MICAL2: variants seen among roughly 807,000 people sequenced by gnomAD.
The protein encoded by MICAL2 is [F-actin]-monooxygenase MICAL2.
A neutral mutation model predicts 127.3 loss-of-function variants in MICAL2; 77 were observed. The observed-to-expected ratio is 0.60, with a 90% CI of 0.50 to 0.73. The LOEUF is 0.73. MICAL2 is among the 30% of genes least tolerant of loss of function. The pLI, the probability that MICAL2 is intolerant of heterozygous loss-of-function variation, is 0.00. For missense variants in MICAL2, 1,351 were observed against 1,434.4 expected (o/e 0.94, Z 0.94); for synonymous variants, 570 against 551.1 (o/e 1.03, Z -0.48).
chr11:12,224,537 TGGCCCCCTGCCCTGGCCCCTTGCCTTG>T, intron 12 of MICAL2, 109 bp from the exon 13 acceptor site: 2 of 1,139,922 alleles, frequency 1.8e-6, no homozygotes, highest in South Asian at 1.5e-5. Context: ...CCCGTGCCAG[TGGCCCCCTGCCCTGGCCCCTTGCCTTG>T]GGGCCGCTCG....
At chr11:12,135,497 T>A (rs143117343) in intron 1 of MICAL2, among the ~76,000 whole-genome samples, 2 of 152,260 alleles carry the variant, frequency 1.3e-5, no homozygotes, top group African/African-American at 4.8e-5. Context: ...AAGCACCTGC[T>A]CTGAGCAAGC....
At chr11:12,270,229 G>A (rs1863659441) in intron 24 of MICAL2, among the ~76,000 whole-genome samples, 1 of 152,188 alleles carries the variant, frequency 6.6e-6, no homozygotes, top group Non-Finnish European at 1.5e-5. Flanking sequence ...AGGGCAGGGA[G>A]GCCACTCTGC....
Position 12,330,896 on chromosome 11 carries a change from AGAGAGT to A in MICAL2, c.5515+3632_5515+3637del, listed in dbSNP as rs1250284667. ...GAGAGAGAGAGACAGAGAGAGAGAGAGAGAGTGTGTGTGTGTGTGTGTGTGTGTGTG... is the reference window on the plus strand; with the variant it reads ...GAGAGAGAGAGACAGAGAGAGAGAGAGTGTGTGTGTGTGTGTGTGTGTGTG... On this transcript the variant is annotated intron_variant, in intron 32 of 34. Transcript: ENST00000646065. Among the ~76,000 whole-genome samples, 390 of 116,846 alleles carry A rather than the reference AGAGAGT, an allele frequency of 3.3e-3. 4 individuals are homozygous for A. Among genetic ancestry groups the A allele is most frequent in the African/African-American group, 0.013 (377 of 29,972 alleles). The allele number at this position is 116,846 out of a possible 152,430, so 76.7% of individuals were successfully genotyped here. A position where few individuals can be genotyped will look rare whatever the true frequency, so the allele number is the denominator to read the frequency against.
At chr11:12,292,200 T>C, downstream of MICAL2, 1 of 1,614,112 alleles carries the variant, frequency 6.2e-7, no homozygotes, top group Non-Finnish European at 8.5e-7. Flanking sequence ...TCTCCTTCTC[T>C]TCCTCTTCCT....
At chr11:12,221,815 G>T in intron 10 of MICAL2, 56 bp downstream of exon 10, 1 of 1,439,114 alleles carries the variant, frequency 6.9e-7, no homozygotes. Context: ...GGCAGGAAAG[G>T]GGGCAAGATC....
At chr11:12,326,441 T>C (rs1459525975) in intron 31 of MICAL2, among the ~76,000 whole-genome samples, 1 of 152,172 alleles carries the variant, frequency 6.6e-6, no homozygotes, top group African/African-American at 2.4e-5. Flanking sequence ...AATATGTAAA[T>C]GCAAATAAAG....
chr11:12,222,804 T>G, intron 11 of MICAL2, 61 bp downstream of exon 11: 255 of 1,594,040 alleles, frequency 1.6e-4, no homozygotes, highest in Non-Finnish European at 2.0e-4. Context: ...GAAGAGGTGG[T>G]GGGGAGGGGG....
chr11:12,268,133 C>T (rs1863629784), downstream of MICAL2, among the ~76,000 whole-genome samples: 1 of 152,250 alleles, frequency 6.6e-6, no homozygotes, highest in African/African-American at 2.4e-5. Flanking sequence ...GAAGGTCTGG[C>T]TGGCATCCAG....
chr11:12,303,222 A>G (rs1200610194), intron 29 of MICAL2, among the ~76,000 whole-genome samples: 1 of 152,062 alleles, frequency 6.6e-6, no homozygotes, highest in Admixed American at 6.6e-5. Flanking sequence ...GAGCCAAACA[A>G]TATCACTTTC....
In MICAL2 at chr11:12,213,341, G is replaced by T. The variant is rs1439043254; in HGVS notation, c.778G>T (p.Val260Leu). ...INRNSTAEAKVEEISGVAFIF... is the reference protein window; with the variant it reads ...INRNSTAEAKLEEISGVAFIF... ...CAGAAACAGCACAGCGGAAGCCAAG[G>T]TGGAAGAGATTAGTGGTGTGGCTTT... Residue 260 changes from valine (V) to leucine (L), a missense_variant, in exon 7 of 28, where the codon GTG becomes TTG. Val to Leu is a conservative substitution (Grantham distance 32). Coordinates refer to ENST00000683283, the MANE Select transcript of MICAL2 (RefSeq NM_001282663.2). 6.2e-7 allele frequency: 1 copy of T among 1,614,132 alleles called. No homozygotes were observed. Among genetic ancestry groups the T allele is most frequent in the Non-Finnish European group, 8.5e-7 (1 of 1,179,992 alleles).
intron 3 of MICAL2, among the ~76,000 whole-genome samples, chr11:12,198,867 C>T (rs764559125): frequency 6.6e-6 from 1 of 152,220 alleles, no homozygotes; most frequent in Non-Finnish European, 1.5e-5. Context: ...CCTGCGGAAG[C>T]ACATGAAGCT....
At chr11:12,111,238 T>G (rs1431973170) in intron 1 of MICAL2, among the ~76,000 whole-genome samples, 1 of 152,218 alleles carries the variant, frequency 6.6e-6, no homozygotes, top group Non-Finnish European at 1.5e-5. Flanking sequence ...GTCAGTGGCC[T>G]GGCTGGCCGC....
chr11:12,341,563 A>C lies in MICAL2; in HGVS notation c.5516-8275A>C, dbSNP rs1209242692. ...TGTTATTGGCCCGGCGCGGTGGCTT[A>C]TGCCTCTAATCCCAGCACTTTGGGA... is the stretch of plus-strand genomic sequence containing the variant. On this transcript the variant is annotated intron_variant, in intron 32 of 34. Transcript: ENST00000646065. Among the ~76,000 whole-genome samples the C allele has an allele frequency of 2.0e-5, 3 of 152,284 alleles. No homozygotes were observed. The East Asian group carries it at 5.8e-4, about 29-fold the overall frequency.
chr11:12,158,631 A>G (rs991461511), intron 2 of MICAL2, among the ~76,000 whole-genome samples: 3 of 152,224 alleles, frequency 2.0e-5, no homozygotes, highest in Non-Finnish European at 4.4e-5. Flanking sequence ...TAATCTAGAG[A>G]TGATTTAAAG....
intron 20 of MICAL2, among the ~76,000 whole-genome samples, chr11:12,243,726 G>A (rs1005707279): frequency 6.6e-6 from 1 of 152,248 alleles, no homozygotes; most frequent in Non-Finnish European, 1.5e-5. Context: ...TGAGGCGGAT[G>A]TAGGCAGGAA....
intron 29 of MICAL2, among the ~76,000 whole-genome samples, chr11:12,310,734 G>T (rs1483742301): frequency 3.3e-5 from 5 of 151,882 alleles, no homozygotes; most frequent in Non-Finnish European, 5.9e-5. Flanking sequence ...TTTTGATAGG[G>T]GTTGCATTGA....
At position 12,220,434 on chromosome 11, in the gene MICAL2, C is replaced by T; in HGVS notation, c.1182C>T (p.Ala394=). 1 of 1,610,868 alleles carries T rather than the reference C, an allele frequency of 6.2e-7. No individual in the cohort carries two copies. The change falls in exon 9 of 28, where the codon GCC becomes GCT. Residue 394 remains alanine, a synonymous_variant. Transcript: ENST00000683283. The part of the protein sequence containing the change: ...RERQAHQLLV[A]LVGDSLLEPF... ...GGCAGGCGCACCAGCTGCTCGTGGCCCTTGTGGGTGACAGCTTGCTTGAGG... is the reference window on the plus strand; with the variant it reads ...GGCAGGCGCACCAGCTGCTCGTGGCTCTTGTGGGTGACAGCTTGCTTGAGG...
intron 30 of MICAL2, among the ~76,000 whole-genome samples, chr11:12,322,088 T>A (rs1215958704): frequency 2.6e-5 from 4 of 152,140 alleles, no homozygotes; most frequent in Non-Finnish European, 4.4e-5. Flanking sequence ...TTTATTTCCT[T>A]ACCTATAATG....
chr11:12,318,561 G>T (rs1213168533), intron 29 of MICAL2, among the ~76,000 whole-genome samples: 1 of 152,220 alleles, frequency 6.6e-6, no homozygotes, highest in Non-Finnish European at 1.5e-5. Context: ...GGAAAAGGCA[G>T]GCTGGAGAGA....
Sources: allele counts gnomAD v4.1 joint callset (sites outside exome capture counted in the v4.1 genomes callset), GRCh38; gene constraint gnomAD v4.1.1; transcripts MANE v1.5; gene names NCBI Gene and HGNC (gene_info 2026-07-23, HGNC 2026-07-21).